Variants in UTRN observed in about 807,000 individuals in gnomAD.
The protein encoded by UTRN is utrophin, also known as dystrophin-related protein 1.
A neutral mutation model predicts 463.9 loss-of-function variants in UTRN; 283 were observed. The observed-to-expected ratio is 0.61, with a 90% CI of 0.55 to 0.67. The LOEUF is 0.67. Among genes scored for constraint, UTRN ranks in the 30% least tolerant of loss-of-function variants. UTRN has a pLI of 0.00. For synonymous variants in UTRN, 1,442 were observed against 1,431.5 expected, an observed-to-expected ratio of 1.01 and a Z score of -0.17; for missense variants, 3,922 against 4,084.3, an observed-to-expected ratio of 0.96 and a Z score of 1.08.
At chr6:144,752,470 A>G (rs1291539478) in intron 56 of UTRN, among the ~76,000 whole-genome samples, 1 of 152,146 alleles carries the variant, frequency 6.6e-6, no homozygotes. Context: ...GACCTTATTT[A>G]AATATGCAAT....
chr6:144,757,935 T>C lies in UTRN; in HGVS notation c.8441T>C (p.Val2814Ala). ...PSSQHFLSTS[V>A]QLPWQRSISH... ...TCTCCCTTTGTTTCCTCAGCGTCAG[T>C]CCAGCTGCCGTGGCAAAGATCCATT... Residue 2814 changes from valine (V) to alanine (A), a missense_variant, in exon 58 of 75, where the codon GTC (valine) becomes GCC (alanine). Coordinates refer to ENST00000367545, the MANE Select transcript of UTRN (RefSeq NM_007124.3). The C allele has an allele frequency of 1.2e-6, 2 of 1,610,714 alleles. No homozygotes were observed.
At chr6:144,324,480 G>C (rs1195983982) in intron 2 of UTRN, among the ~76,000 whole-genome samples, 1 of 152,182 alleles carries the variant, frequency 6.6e-6, no homozygotes, top group Non-Finnish European at 1.5e-5. Context: ...TTAACTGACA[G>C]TTACAGCTGA....
At chr6:144,804,025 A>AT (rs1360100114) in intron 65 of UTRN, among the ~76,000 whole-genome samples, 17 of 152,058 alleles carry the variant, frequency 1.1e-4, no homozygotes, top group Middle Eastern at 3.4e-3. Flanking sequence ...ATTTACAGCT[A>AT]TTTTTTCCTG....
At chr6:144,760,958 A>G (rs1792599708) in intron 58 of UTRN, among the ~76,000 whole-genome samples, 1 of 152,212 alleles carries the variant, frequency 6.6e-6, no homozygotes, top group South Asian at 2.1e-4. Flanking sequence ...TTTATAGATC[A>G]CTTAAAGCCC....
At chr6:144,560,738 A>G (rs1458315168) in intron 50 of UTRN, among the ~76,000 whole-genome samples, 3 of 152,158 alleles carry the variant, frequency 2.0e-5, no homozygotes, top group Non-Finnish European at 4.4e-5. Flanking sequence ...AACAGCTTTG[A>G]TAACAGAAAT....
chr6:144,444,971 G>C (rs1787517468), intron 14 of UTRN, among the ~76,000 whole-genome samples: 1 of 152,256 alleles, frequency 6.6e-6, no homozygotes, highest in East Asian at 1.9e-4. Context: ...CCTGTTCTCT[G>C]TCTTTCCAGA....
intron 59 of UTRN, among the ~76,000 whole-genome samples, chr6:144,773,515 C>T (rs2128734220): frequency 6.6e-6 from 1 of 152,222 alleles, no homozygotes; most frequent in South Asian, 2.1e-4. Context: ...CCTCCTATAA[C>T]AAAAGACAGG....
intron 51 of UTRN, among the ~76,000 whole-genome samples, chr6:144,599,242 G>A (rs1270332530): frequency 1.3e-5 from 2 of 152,108 alleles, no homozygotes; most frequent in African/African-American, 4.8e-5. Context: ...TTGGGGAAAT[G>A]GGGTGGTTGG....
intron 51 of UTRN, among the ~76,000 whole-genome samples, chr6:144,671,529 G>A (rs188809451): frequency 1.3e-5 from 2 of 152,118 alleles, no homozygotes; most frequent in Admixed American, 6.6e-5. Context: ...AGATCTGGGA[G>A]CTTTTTGGTT....
At chr6:144,349,855 T>TGTGG (rs541753920) in intron 2 of UTRN, among the ~76,000 whole-genome samples, 42 of 152,194 alleles carry the variant, frequency 2.8e-4, no homozygotes, top group African/African-American at 1.0e-3. Flanking sequence ...AGGGGACTGG[T>TGTGG]GTGGGGTTAG....
chr6:144,557,427 A>AGGTAT, intron 50 of UTRN, 116 bp downstream of exon 50: 2 of 858,198 alleles, frequency 2.3e-6, no homozygotes, highest in Non-Finnish European at 3.2e-6. Context: ...TTTTATTATT[A>AGGTAT]TGTATTTTTA....
At chr6:144,532,757 G>A (rs1330660219) in intron 42 of UTRN, among the ~76,000 whole-genome samples, 1 of 152,140 alleles carries the variant, frequency 6.6e-6, no homozygotes, top group Admixed American at 6.5e-5. Flanking sequence ...AAGAAGATGA[G>A]CAATTCATTT....
chr6:144,747,478 T>C (rs1790889642), intron 54 of UTRN, among the ~76,000 whole-genome samples: 1 of 152,204 alleles, frequency 6.6e-6, no homozygotes, highest in Non-Finnish European at 1.5e-5. Flanking sequence ...GACCCTTGGC[T>C]TTGAACTTGA....
At chr6:144,711,199 A>C (rs1022040282) in intron 53 of UTRN, among the ~76,000 whole-genome samples, 2 of 152,016 alleles carry the variant, frequency 1.3e-5, no homozygotes, top group African/African-American at 2.4e-5. Context: ...CTATCATCTC[A>C]GCTACTTGTT....
At chr6:144,696,278 T>C (rs1441759792) in intron 52 of UTRN, among the ~76,000 whole-genome samples, 3 of 152,138 alleles carry the variant, frequency 2.0e-5, no homozygotes, top group Non-Finnish European at 4.4e-5. Context: ...CACATTCTAA[T>C]AGAACTTTCT....
chr6:144,561,847 A>G (rs1241523178), intron 50 of UTRN, among the ~76,000 whole-genome samples: 1 of 152,186 alleles, frequency 6.6e-6, no homozygotes, highest in African/African-American at 2.4e-5. Context: ...GCTCTTTCAT[A>G]TAATGTCTTT....
chr6:144,422,679 A>T lies in UTRN; in HGVS notation c.234+709A>T, dbSNP rs74807688. Among the ~76,000 whole-genome samples, 1,809 of 152,232 alleles carry T rather than the reference A, an allele frequency of 0.012. 70 individuals carry two copies. The East Asian group carries it at 0.14, about 12-fold the overall frequency. On this transcript the variant is annotated intron_variant, in intron 4 of 74. Coordinates refer to ENST00000367545, the MANE Select transcript of UTRN (RefSeq NM_007124.3). ...ATTTTTTATTCAGATTTTCAGGATT[A>T]TATTTTGTTGATTTATTTTTTAAAT...
chr6:144,639,868 CG>C (rs1365289790), intron 51 of UTRN, among the ~76,000 whole-genome samples: 3 of 152,090 alleles, frequency 2.0e-5, no homozygotes, highest in Non-Finnish European at 4.4e-5. Flanking sequence ...CAGGGAAGAG[CG>C]TCTGCAGATA....
At chr6:144,580,392 T>C (rs1044940379) in intron 51 of UTRN, among the ~76,000 whole-genome samples, 2 of 152,230 alleles carry the variant, frequency 1.3e-5, no homozygotes, top group African/African-American at 2.4e-5. Flanking sequence ...TCCAAGGCCA[T>C]GGGAGTATTT....
Sources: allele counts gnomAD v4.1 joint callset (sites outside exome capture counted in the v4.1 genomes callset), GRCh38; gene constraint gnomAD v4.1.1; transcripts MANE v1.5; gene names NCBI Gene and HGNC (gene_info 2026-07-23, HGNC 2026-07-21).